SSBP2: variants seen among roughly 807,000 people sequenced by gnomAD.
The protein encoded by SSBP2 is single stranded DNA binding protein 2.
SSBP2 carries 17 observed loss-of-function variants against 61.8 expected under a neutral mutation model. The ratio of observed to expected loss-of-function variants is 0.28; its 90% CI spans 0.19 to 0.41. SSBP2 has a LOEUF of 0.41. Among genes scored for constraint, SSBP2 ranks in the 10% least tolerant of loss-of-function variants. SSBP2 has a pLI of 1.00. For synonymous variants in SSBP2, 139 were observed against 141.3 expected (o/e 0.98, Z 0.12); for missense variants, 310 against 458.7 (o/e 0.68, Z 2.96).
chr5:81,526,285 T>G (rs971996111), intron 4 of SSBP2, among the ~76,000 whole-genome samples: 5 of 152,046 alleles, frequency 3.3e-5, no homozygotes, highest in African/African-American at 1.2e-4. Context: ...TATAACATAT[T>G]TCAAAAACTT....
At chr5:81,468,610 A>T (rs922484874) in intron 8 of SSBP2, among the ~76,000 whole-genome samples, 1 of 152,022 alleles carries the variant, frequency 6.6e-6, no homozygotes, top group Non-Finnish European at 1.5e-5. Context: ...AAGTTAAGAA[A>T]CACATAATAG....
At chr5:81,564,764 G>A (rs919514894) in intron 4 of SSBP2, among the ~76,000 whole-genome samples, 8 of 152,178 alleles carry the variant, frequency 5.3e-5, no homozygotes, top group African/African-American at 1.9e-4. Flanking sequence ...CTGCGCTAAA[G>A]AACGGGTCAG....
At chr5:81,443,989 A>G (rs1188903097) in intron 12 of SSBP2, among the ~76,000 whole-genome samples, 1 of 152,240 alleles carries the variant, frequency 6.6e-6, no homozygotes, top group Non-Finnish European at 1.5e-5. Flanking sequence ...TTACTGTGTG[A>G]TTACTCATTA....
rs200940703 is a variant in SSBP2 at position 81,489,101 on chromosome 5, G to GC, written c.432+148_432+149insG. The GC allele has an allele frequency of 2.7e-3, 1,790 of 672,224 alleles. 29 individuals are homozygous for GC. The African/African-American group carries it at 0.03, about 11-fold the overall frequency. 41.6% of individuals were successfully genotyped at this position (672,224 alleles called of 1,614,324 possible). Reference sequence around the variant, plus strand: ...ATAAAAAATAGCTAGCTTATGAGCTGTAGTTTGCCAACCCTTGAAGCAGAC... The same window carrying GC: ...ATAAAAAATAGCTAGCTTATGAGCTGCTAGTTTGCCAACCCTTGAAGCAGAC... On this transcript the variant is annotated intron_variant, in intron 6 of 16. Coordinates refer to ENST00000320672, the MANE Select transcript of SSBP2 (RefSeq NM_012446.5).
chr5:81,425,717 T>C (rs529134051), intron 16 of SSBP2, among the ~76,000 whole-genome samples: 51 of 152,074 alleles, frequency 3.4e-4, no homozygotes, highest in African/African-American at 1.2e-3. Context: ...GTCTTGGTTG[T>C]GATCTTAAAA....
At chr5:81,497,858 T>C (rs1043628974) in intron 5 of SSBP2, among the ~76,000 whole-genome samples, 1 of 152,148 alleles carries the variant, frequency 6.6e-6, no homozygotes, top group African/African-American at 2.4e-5. Context: ...TTAGTAAACA[T>C]GATTTGGCAC....
chr5:81,469,103 G>A (rs1765080874), intron 8 of SSBP2, among the ~76,000 whole-genome samples: 1 of 151,724 alleles, frequency 6.6e-6, no homozygotes, highest in African/African-American at 2.4e-5. Context: ...TTTTATCAAG[G>A]AAACCATTAA....
chr5:81,709,641 C>CAT lies in SSBP2; in HGVS notation c.62+41338_62+41339dup, dbSNP rs994809934. Among the ~76,000 whole-genome samples, 7 of 151,838 alleles carry CAT rather than the reference C, an allele frequency of 4.6e-5. No homozygotes were observed. In the East Asian group the frequency reaches 5.8e-4, roughly 13 times the overall value. ...TTTGAGCTCTAAGAATTTAAAGAAT[C>CAT]ATATATATAGAAAGGAAAAAACAGT... On this transcript the variant is annotated intron_variant, in intron 1 of 16. Coordinates refer to ENST00000320672, the MANE Select transcript of SSBP2 (RefSeq NM_012446.5).
intron 1 of SSBP2, among the ~76,000 whole-genome samples, chr5:81,723,302 A>G (rs890536622): frequency 6.6e-6 from 1 of 152,024 alleles, no homozygotes; most frequent in African/African-American, 2.4e-5. Context: ...GTTCTCTGGA[A>G]GAGGAAAAAT....
chr5:81,720,147 C>A (rs150082218), intron 1 of SSBP2, among the ~76,000 whole-genome samples: 79 of 152,226 alleles, frequency 5.2e-4, no homozygotes, highest in African/African-American at 1.8e-3. Context: ...TACTTCTGGG[C>A]TCAGAGCCCA....
chr5:81,495,416 C>T (rs958911836), intron 5 of SSBP2, among the ~76,000 whole-genome samples: 3 of 152,178 alleles, frequency 2.0e-5, no homozygotes, highest in African/African-American at 7.2e-5. Flanking sequence ...CCAGAATATT[C>T]TCTGTTCCTG....
intron 2 of SSBP2, among the ~76,000 whole-genome samples, chr5:81,639,901 C>T (rs1748617234): frequency 6.6e-6 from 1 of 152,084 alleles, no homozygotes; most frequent in Non-Finnish European, 1.5e-5. Flanking sequence ...AACCAAAAAT[C>T]CTCTTTAATA....
chr5:81,443,514 T>C (rs1763169061), intron 12 of SSBP2, among the ~76,000 whole-genome samples: 1 of 152,172 alleles, frequency 6.6e-6, no homozygotes, highest in Non-Finnish European at 1.5e-5. Context: ...TGGTTTTCTA[T>C]TTTTCCACAT....
chr5:81,487,759 C>A (rs1766488531), intron 6 of SSBP2, among the ~76,000 whole-genome samples: 1 of 151,026 alleles, frequency 6.6e-6, no homozygotes, highest in Non-Finnish European at 1.5e-5. Flanking sequence ...TTCTAGATTC[C>A]CAGAACTTGT....
rs988092192 is a variant in SSBP2 at position 81,577,690 on chromosome 5, A to G, written c.282+37783T>C. On this transcript the variant is annotated intron_variant, in intron 4 of 16. Transcript: ENST00000320672. ...CAATAAAACTCATTTCTATTTTCCC[A>G]TATAAAAATTATAATTTCCACATAA... Among the ~76,000 whole-genome samples the G allele has an allele frequency of 3.3e-5, 5 of 152,110 alleles. No homozygotes were observed. The East Asian group carries it at 9.6e-4, about 29-fold the overall frequency.
At chr5:81,639,049 A>G (rs1198036464) in intron 2 of SSBP2, among the ~76,000 whole-genome samples, 1 of 152,134 alleles carries the variant, frequency 6.6e-6, no homozygotes, top group East Asian at 1.9e-4. Context: ...TAAGGCACAA[A>G]AAACCACCAT....
intron 4 of SSBP2, among the ~76,000 whole-genome samples, chr5:81,517,800 C>T (rs1769148830): frequency 6.6e-6 from 1 of 151,830 alleles, no homozygotes; most frequent in Non-Finnish European, 1.5e-5. Context: ...GAAATATACT[C>T]CTATTTTATA....
chr5:81,586,626 C>CAAAA (rs35214821), intron 4 of SSBP2, among the ~76,000 whole-genome samples: 3 of 114,294 alleles, frequency 2.6e-5, no homozygotes, highest in Non-Finnish European at 5.6e-5. Context: ...CTGCAGTATG[C>CAAAA]AAAAAAAAAA....
chr5:81,736,791 G>C (rs1233137611), intron 1 of SSBP2, among the ~76,000 whole-genome samples: 1 of 152,172 alleles, frequency 6.6e-6, no homozygotes, highest in African/African-American at 2.4e-5. Flanking sequence ...AAAGTAGAAA[G>C]GAAATTTAGA....
Sources: gnomAD v4.1 joint callset for allele counts (sites outside exome capture counted in the v4.1 genomes callset) on GRCh38, gnomAD v4.1.1 for gene constraint, MANE v1.5 for transcripts, NCBI Gene and HGNC (gene_info 2026-07-23, HGNC 2026-07-21) for gene names.